CSMD1: variants seen among roughly 807,000 people sequenced by gnomAD.
The protein encoded by CSMD1 is CUB and sushi domain-containing protein 1.
CSMD1 carries 213 observed loss-of-function variants against 417.5 expected under a neutral mutation model. The ratio of observed to expected loss-of-function variants is 0.51; its 90% CI spans 0.46 to 0.57. The LOEUF is 0.57. Ranked by LOEUF, CSMD1 falls within the 20% of genes least tolerant of loss-of-function variation. CSMD1 has a pLI of 0.00. For missense variants in CSMD1, 6,923 were observed against 4,529.7 expected (o/e 1.53, Z -15.17); for synonymous variants, 2,862 against 1,736.8 (o/e 1.65, Z -16.11).
At position 4,221,393 on chromosome 8, in the gene CSMD1, A is replaced by C. The variant is rs566281169; in HGVS notation, c.416-189294T>G. On this transcript the variant is annotated intron_variant, in intron 3 of 69. Coordinates refer to ENST00000635120, the MANE Select transcript of CSMD1 (RefSeq NM_033225.6). ...AGGAAAGTGAGAAAAAAAAAAAAAAACAACACATTGACAGCAGCAAAACTT... is the reference window on the plus strand; with the variant it reads ...AGGAAAGTGAGAAAAAAAAAAAAAACCAACACATTGACAGCAGCAAAACTT... Among the ~76,000 whole-genome samples, 447 of 147,388 alleles carry C rather than the reference A, an allele frequency of 3.0e-3. 1 individual carries two copies. Among genetic ancestry groups the C allele is most frequent in the African/African-American group, 0.011 (434 of 39,306 alleles).
At chr8:4,864,564 G>C (rs1440732167) in intron 1 of CSMD1, among the ~76,000 whole-genome samples, 1 of 151,318 alleles carries the variant, frequency 6.6e-6, no homozygotes, top group Non-Finnish European at 1.5e-5. Flanking sequence ...ATTATGTTTT[G>C]CCAGAGTTCA....
At chr8:3,297,795 G>A (rs1804082071) in intron 25 of CSMD1, among the ~76,000 whole-genome samples, 1 of 152,142 alleles carries the variant, frequency 6.6e-6, no homozygotes, top group Non-Finnish European at 1.5e-5. Context: ...AACAAAGTTT[G>A]TGGCATAGCA....
intron 5 of CSMD1, among the ~76,000 whole-genome samples, chr8:3,919,729 G>T (rs1001906355): frequency 9.9e-5 from 15 of 151,974 alleles, no homozygotes. Context: ...TGCGTAGTAT[G>T]GACATTTTAA....
chr8:4,171,898 C>T (rs575012982), intron 3 of CSMD1, among the ~76,000 whole-genome samples: 49 of 152,212 alleles, frequency 3.2e-4, no homozygotes, highest in South Asian at 6.2e-4. Context: ...CAATTGTCTG[C>T]ATGTTTTTAC....
chr8:3,904,220 A>G (rs1376739220), intron 5 of CSMD1, among the ~76,000 whole-genome samples: 1 of 152,310 alleles, frequency 6.6e-6, no homozygotes, highest in East Asian at 1.9e-4. Flanking sequence ...ACTTATGGAT[A>G]TCAGGAGCTG....
intron 23 of CSMD1, among the ~76,000 whole-genome samples, chr8:3,312,206 A>G (rs1348226467): frequency 6.6e-6 from 1 of 151,980 alleles, no homozygotes; most frequent in East Asian, 1.9e-4. Flanking sequence ...TCTATCAATC[A>G]TTCAATATCA....
chr8:3,850,004 G>GATGTTGGCC (rs1803785279), intron 5 of CSMD1, among the ~76,000 whole-genome samples: 1 of 91,958 alleles, frequency 1.1e-5, no homozygotes, highest in Admixed American at 1.0e-4. Context: ...TTAGTTTCAC[G>GATGTTGGCC]ATGTTGGTCT....
At chr8:4,365,405 A>C (rs1388576406) in intron 3 of CSMD1, among the ~76,000 whole-genome samples, 2 of 152,168 alleles carry the variant, frequency 1.3e-5, no homozygotes, top group African/African-American at 4.8e-5. Context: ...TTTAAATGTT[A>C]ATTTTGCCTA....
intron 11 of CSMD1, among the ~76,000 whole-genome samples, chr8:3,470,619 C>G (rs1817032642): frequency 6.6e-6 from 1 of 152,140 alleles, no homozygotes; most frequent in South Asian, 2.1e-4. Flanking sequence ...TGCAGGGCAG[C>G]TCCATTCCTT....
At chr8:3,334,623 G>C (rs542104768) in intron 23 of CSMD1, among the ~76,000 whole-genome samples, 2 of 152,344 alleles carry the variant, frequency 1.3e-5, no homozygotes, top group South Asian at 2.1e-4. Context: ...TTCAGAATTA[G>C]TCGTCAATAT....
intron 3 of CSMD1, among the ~76,000 whole-genome samples, chr8:4,299,327 T>C (rs181985881): frequency 2.7e-3 from 417 of 152,300 alleles, no homozygotes; most frequent in African/African-American, 9.5e-3. Context: ...TTTTAAATAA[T>C]TACTTCCAAG....
intron 5 of CSMD1, among the ~76,000 whole-genome samples, chr8:3,788,407 G>A (rs1271768581): frequency 3.3e-5 from 5 of 152,134 alleles, no homozygotes; most frequent in Admixed American, 1.3e-4. Flanking sequence ...AGACCCAAGT[G>A]AGGCTTCTGG....
intron 5 of CSMD1, among the ~76,000 whole-genome samples, chr8:3,970,018 T>G (rs1478816762): frequency 6.6e-6 from 1 of 152,202 alleles, no homozygotes; most frequent in Non-Finnish European, 1.5e-5. Flanking sequence ...CAATAATTCT[T>G]TCTCACCTTT....
At chr8:4,153,092 G>T (rs918231332) in intron 3 of CSMD1, among the ~76,000 whole-genome samples, 14 of 152,224 alleles carry the variant, frequency 9.2e-5, no homozygotes, top group African/African-American at 3.4e-4. Context: ...TTTCAGATGT[G>T]TAATTAATGT....
intron 49 of CSMD1, among the ~76,000 whole-genome samples, chr8:3,065,064 CA>C (rs952333710): frequency 6.6e-6 from 1 of 151,888 alleles, no homozygotes; most frequent in Non-Finnish European, 1.5e-5. Flanking sequence ...AAAAAGTAAA[CA>C]AACAGATGTA....
intron 1 of CSMD1, among the ~76,000 whole-genome samples, chr8:4,736,466 C>A (rs1446908197): frequency 6.6e-6 from 1 of 151,864 alleles, no homozygotes; most frequent in Non-Finnish European, 1.5e-5. Context: ...CTCAGGTGGG[C>A]AAATACAAGA....
intron 26 of CSMD1, among the ~76,000 whole-genome samples, chr8:3,273,041 C>T (rs143995752): frequency 6.6e-6 from 1 of 151,914 alleles, no homozygotes; most frequent in Non-Finnish European, 1.5e-5. Context: ...TAGTTTTTGC[C>T]CATTCGGTAT....
At chr8:3,972,631 G>A (rs755263123) in intron 5 of CSMD1, among the ~76,000 whole-genome samples, 2 of 152,112 alleles carry the variant, frequency 1.3e-5, no homozygotes, top group South Asian at 4.1e-4. Flanking sequence ...ATTTGCTTAA[G>A]TTAGTTTACA....
At chr8:4,993,911 C>T (rs1170611732) in intron 1 of CSMD1, among the ~76,000 whole-genome samples, 1 of 152,112 alleles carries the variant, frequency 6.6e-6, no homozygotes, top group Non-Finnish European at 1.5e-5. Flanking sequence ...TCACCCGGGA[C>T]GCTTTCCCAG....
Sources: allele counts gnomAD v4.1 joint callset (sites outside exome capture counted in the v4.1 genomes callset), GRCh38; gene constraint gnomAD v4.1.1; transcripts MANE v1.5; gene names NCBI Gene and HGNC (gene_info 2026-07-23, HGNC 2026-07-21).